LDB2: variants seen among roughly 807,000 people sequenced by gnomAD.
LDB2 encodes LIM domain binding 2, also known as LIM domain-binding protein 2.
Under a neutral mutation model 44.3 loss-of-function variants are expected in LDB2, and 12 were observed. That is an observed-to-expected ratio of 0.27 (90% CI 0.17 to 0.44). LDB2 has a LOEUF of 0.44. Among genes scored for constraint, LDB2 ranks in the 20% least tolerant of loss-of-function variants. The probability of loss-of-function intolerance (pLI) is 1.00; values close to 1 mark genes in which losing one functional copy is unlikely to be tolerated. For synonymous variants in LDB2, 164 were observed against 174.8 expected (o/e 0.94, Z 0.49); for missense variants, 344 against 473.5 (o/e 0.73, Z 2.54).
At chr4:16,511,810 T>C (rs1464177652) in intron 6 of LDB2, 171 bp downstream of exon 6, 5 of 672,436 alleles carry the variant, frequency 7.4e-6, no homozygotes, top group African/African-American at 1.8e-5. Context: ...TTAAGGATGT[T>C]TGCCTGTCAC....
At chr4:16,846,995 C>T (rs1415944652) in intron 1 of LDB2, among the ~76,000 whole-genome samples, 1 of 152,108 alleles carries the variant, frequency 6.6e-6, no homozygotes, top group East Asian at 1.9e-4. Context: ...GAGAAGACTC[C>T]ACTCTATTTT....
chr4:16,897,131 G>A (rs10489105), intron 1 of LDB2, among the ~76,000 whole-genome samples: 1 of 152,050 alleles, frequency 6.6e-6, no homozygotes, highest in Non-Finnish European at 1.5e-5. Flanking sequence ...TTAAATACAC[G>A]AAACGTCATG....
At chr4:16,893,891 A>G (rs2110540029) in intron 1 of LDB2, among the ~76,000 whole-genome samples, 1 of 152,220 alleles carries the variant, frequency 6.6e-6, no homozygotes, top group Non-Finnish European at 1.5e-5. Context: ...ATGAGAAAAC[A>G]AGGTATAGAA....
chr4:16,642,475 A>C (rs189083504), intron 2 of LDB2, among the ~76,000 whole-genome samples: 63 of 152,384 alleles, frequency 4.1e-4, no homozygotes, highest in Admixed American at 1.6e-3. Flanking sequence ...TAGAGCTCAG[A>C]GACAAGATGA....
intron 1 of LDB2, among the ~76,000 whole-genome samples, chr4:16,880,641 C>T (rs759934084): frequency 9.2e-5 from 14 of 152,112 alleles, no homozygotes; most frequent in Non-Finnish European, 1.9e-4. Flanking sequence ...GCCCTTGGCC[C>T]TGTGTCCTCT....
intron 2 of LDB2, among the ~76,000 whole-genome samples, chr4:16,620,180 G>T (rs1728495836): frequency 6.6e-6 from 1 of 152,184 alleles, no homozygotes; most frequent in Non-Finnish European, 1.5e-5. Context: ...GTCCAAAACA[G>T]TGCCTGGCAG....
chr4:16,625,986 T>C (rs1373262837), intron 2 of LDB2, among the ~76,000 whole-genome samples: 1 of 152,136 alleles, frequency 6.6e-6, no homozygotes, highest in African/African-American at 2.4e-5. Flanking sequence ...ATTTGTGATA[T>C]AGGTTGATAC....
chr4:16,517,669 A>G (rs548787161), intron 5 of LDB2, among the ~76,000 whole-genome samples: 3 of 152,320 alleles, frequency 2.0e-5, no homozygotes, highest in South Asian at 4.1e-4. Context: ...ACCCATAAAC[A>G]TGGTGTCCCT....
intron 1 of LDB2, among the ~76,000 whole-genome samples, chr4:16,797,904 A>G (rs1038295267): frequency 4.0e-5 from 6 of 151,890 alleles, no homozygotes; most frequent in Non-Finnish European, 8.8e-5. Flanking sequence ...GCATGGTGAC[A>G]TCCACCTGTA....
rs957229827 is a variant in LDB2 at position 16,551,255 on chromosome 4, T to A, written c.615+34667A>T. ...ACTCAAGTATTCCAAAATGCTGAGA[T>A]TTTTTAAAGTTGTATTATGGATACA... On this transcript the variant is annotated intron_variant, in intron 5 of 7. Coordinates refer to ENST00000304523, the MANE Select transcript of LDB2 (RefSeq NM_001290.5). Among the ~76,000 whole-genome samples the A allele has an allele frequency of 2.0e-5, 3 of 152,324 alleles. No homozygotes were observed. The South Asian group carries it at 6.2e-4, about 32-fold the overall frequency.
chr4:16,737,060 T>A (rs1382810757), intron 2 of LDB2, among the ~76,000 whole-genome samples: 1 of 151,792 alleles, frequency 6.6e-6, no homozygotes, highest in Non-Finnish European at 1.5e-5. Flanking sequence ...TTAAAATGTA[T>A]TTTTTTTGTA....
intron 1 of LDB2, among the ~76,000 whole-genome samples, chr4:16,890,629 C>CTT (rs1405248241): frequency 2.0e-5 from 3 of 152,162 alleles, no homozygotes. Context: ...CAGGACAGAC[C>CTT]ATACAGTGAA....
chr4:16,787,955 T>G (rs1774812832), intron 1 of LDB2, among the ~76,000 whole-genome samples: 1 of 151,934 alleles, frequency 6.6e-6, no homozygotes, highest in African/African-American at 2.4e-5. Flanking sequence ...AAACCAAGTT[T>G]GGGGTACATG....
At chr4:16,657,355 A>T (rs564951921) in intron 2 of LDB2, among the ~76,000 whole-genome samples, 4 of 152,272 alleles carry the variant, frequency 2.6e-5, no homozygotes, top group Non-Finnish European at 4.4e-5. Context: ...TTACCCTGTG[A>T]TCATTACCTA....
chr4:16,713,252 C>T (rs57734013), intron 2 of LDB2, among the ~76,000 whole-genome samples: 13,182 of 152,086 alleles, frequency 0.087, 860 homozygotes, highest in East Asian at 0.4. Flanking sequence ...ATTCTAAAAC[C>T]GAATTGTGGT....
intron 2 of LDB2, among the ~76,000 whole-genome samples, chr4:16,708,951 G>A (rs1755254849): frequency 6.6e-6 from 1 of 151,844 alleles, no homozygotes; most frequent in Non-Finnish European, 1.5e-5. Context: ...CCTGCCCTGG[G>A]GCCTCTAACA....
chr4:16,718,861 A>G (rs542182503), intron 2 of LDB2, among the ~76,000 whole-genome samples: 1 of 152,268 alleles, frequency 6.6e-6, no homozygotes, highest in East Asian at 1.9e-4. Context: ...GTAATAAATG[A>G]CAAACAGGTA....
chr4:16,551,870 A>C (rs1414376295), intron 5 of LDB2, among the ~76,000 whole-genome samples: 1 of 152,166 alleles, frequency 6.6e-6, no homozygotes, highest in African/African-American at 2.4e-5. Context: ...TTGAGGGAAC[A>C]CAGTACATCT....
At chr4:16,820,329 C>T (rs1781710177) in intron 1 of LDB2, among the ~76,000 whole-genome samples, 1 of 152,138 alleles carries the variant, frequency 6.6e-6, no homozygotes, top group Non-Finnish European at 1.5e-5. Flanking sequence ...TTCTGTTGGG[C>T]ACTGCTCACT....
Sources: allele counts gnomAD v4.1 joint callset (sites outside exome capture counted in the v4.1 genomes callset), GRCh38; gene constraint gnomAD v4.1.1; transcripts MANE v1.5; gene names NCBI Gene and HGNC (gene_info 2026-07-23, HGNC 2026-07-21).